The following RNF182 variants were observed in gnomAD, a reference collection of about 807,000 sequenced individuals.
RNF182 encodes E3 ubiquitin-protein ligase RNF182.
A neutral mutation model predicts 14.4 loss-of-function variants in RNF182; 15 were observed. The observed-to-expected ratio is 1.04, with a 90% confidence interval of 0.70 to 1.60. The LOEUF (loss-of-function observed/expected upper bound fraction) is 1.60. Among genes scored for constraint, RNF182 ranks in the 40% most tolerant of loss-of-function variants. The pLI is 0.00. For missense variants in RNF182, 268 were observed against 294.8 expected (o/e 0.91, Z 0.67); for synonymous variants, 128 against 122.9 (o/e 1.04, Z -0.27).
chr6:13,939,036 T>C (rs1759216630), intron 1 of RNF182, among the ~76,000 whole-genome samples: 1 of 152,106 alleles, frequency 6.6e-6, no homozygotes, highest in Non-Finnish European at 1.5e-5. Context: ...TGAGCCAAGA[T>C]TGCACCACTG....
At chr6:13,940,723 G>A (rs977534683) in intron 1 of RNF182, among the ~76,000 whole-genome samples, 1 of 151,828 alleles carries the variant, frequency 6.6e-6, no homozygotes, top group Non-Finnish European at 1.5e-5. Context: ...ATATGCATTC[G>A]AAGCTCTGCA....
Position 13,977,301 on chromosome 6 carries a change from T to A in RNF182, c.182T>A (p.Val61Asp), listed in dbSNP as rs1225398239. Residue 61 changes from valine to aspartate, a missense_variant, in exon 3 of 3, where the codon GTC becomes GAC. Transcript: ENST00000488300. ...IIDFGDSPQGVIVCPFCRFET... is the reference protein window; with the variant it reads ...IIDFGDSPQGDIVCPFCRFET... ...GACTTTGGGGACTCCCCACAAGGTG[T>A]CATTGTCTGTCCTTTCTGCAGGTTT... 6.2e-7 allele frequency: 1 copy of A among 1,614,186 alleles called. No homozygotes were observed. Among genetic ancestry groups the A allele is most frequent in the Non-Finnish European group, 8.5e-7 (1 of 1,180,026 alleles).
chr6:13,952,532 C>T, intron 1 of RNF182, among the ~76,000 whole-genome samples: 1 of 152,098 alleles, frequency 6.6e-6, no homozygotes, highest in Non-Finnish European at 1.5e-5. Context: ...TTGTCCTTTA[C>T]CTGGGATGAA....
At chr6:13,926,692 A>G (rs1758836550) in intron 1 of RNF182, among the ~76,000 whole-genome samples, 1 of 152,190 alleles carries the variant, frequency 6.6e-6, no homozygotes, top group Non-Finnish European at 1.5e-5. Flanking sequence ...TGAACAGCAA[A>G]TAGGATATTG....
In RNF182 at chr6:13,926,775, T is replaced by TTG. The variant is rs967148826; in HGVS notation, c.-367+1768_-367+1769dup. Among the ~76,000 whole-genome samples, 74 of 150,596 alleles carry TTG rather than the reference T, an allele frequency of 4.9e-4. 1 individual carries two copies. The highest frequency in any genetic ancestry group is 1.4e-3 in the East Asian group (7 of 5,156). The stretch of plus-strand genomic sequence containing the variant: ...ACTAAAAATAAATTATTTTGTGTGT[T>TTG]TGTGTGTGTGTGTGTGTTTTTTTTT... On this transcript the variant is annotated intron_variant, in intron 1 of 2. Transcript: ENST00000488300.
chr6:13,939,499 AATAC>A lies in RNF182; in HGVS notation c.-367+14479_-367+14482del, dbSNP rs1561777229. Among the ~76,000 whole-genome samples the A allele has an allele frequency of 1.1e-4, 16 of 151,412 alleles. No individual in the cohort carries two copies. The South Asian group carries it at 3.4e-3, about 32-fold the overall frequency. On this transcript the variant is annotated intron_variant, in intron 1 of 2. Transcript: ENST00000488300. ...TAATTTTTTGTTTCTTGTGTATATA[AATAC>A]ATTTTTGTTTTTATTTTTTTATTTT... is the stretch of plus-strand genomic sequence containing the variant.
At chr6:13,955,054 C>A (rs956935967) in intron 1 of RNF182, among the ~76,000 whole-genome samples, 6 of 152,150 alleles carry the variant, frequency 3.9e-5, no homozygotes, top group African/African-American at 1.4e-4. Flanking sequence ...ATTTTGGCAG[C>A]CATTGATAAT....
chr6:13,924,959 T>C lies in RNF182; in HGVS notation c.-431T>C. 1 of 64,192 alleles carries C rather than the reference T, an allele frequency of 1.6e-5. No individual in the cohort carries two copies. Among genetic ancestry groups the C allele is most frequent in the Non-Finnish European group, 3.2e-5 (1 of 31,318 alleles). 4.0% of individuals were successfully genotyped at this position (64,192 alleles called of 1,614,324 possible). ...CGCGAGCTCCTCCTCCACGGGAACCTCCCTCCCCTCCCAGGCGCCGCCGCA... is the reference window on the plus strand; with the variant it reads ...CGCGAGCTCCTCCTCCACGGGAACCCCCCTCCCCTCCCAGGCGCCGCCGCA... On this transcript the variant is annotated 5_prime_UTR_variant, in exon 1 of 3. Transcript: ENST00000488300.
At chr6:13,930,075 C>T (rs779246476) in intron 1 of RNF182, among the ~76,000 whole-genome samples, 5 of 152,158 alleles carry the variant, frequency 3.3e-5, no homozygotes, top group African/African-American at 4.8e-5. Context: ...GCAGGTTCCA[C>T]ATCTGCAGAT....
At chr6:13,958,605 G>T (rs1759787808) in intron 1 of RNF182, among the ~76,000 whole-genome samples, 1 of 152,088 alleles carries the variant, frequency 6.6e-6, no homozygotes, top group Admixed American at 6.6e-5. Flanking sequence ...CTTATGATAG[G>T]TGCTTGTGCT....
In RNF182 at chr6:13,964,663, G is replaced by A. The variant is rs73364317; in HGVS notation, c.-366-9547G>A. 2.6e-5 allele frequency among the ~76,000 whole-genome samples: 4 copies of A among 152,198 alleles called. No homozygotes were observed. The East Asian group carries it at 7.7e-4, about 29-fold the overall frequency. ...GGAGCAGATGGGGGATTCCTTCCTA[G>A]GCTTGGCTGGTACCGAGGGCTGGCA... On this transcript the variant is annotated intron_variant, in intron 1 of 2. Coordinates refer to ENST00000488300, the MANE Select transcript of RNF182 (RefSeq NM_152737.4).
At chr6:13,949,578 T>C in intron 1 of RNF182, 1 of 437,668 alleles carries the variant, frequency 2.3e-6, no homozygotes, top group Non-Finnish European at 4.2e-6. Context: ...TTAGATAAAA[T>C]GATGATGTCC....
At chr6:13,952,227 G>A (rs1330587844) in intron 1 of RNF182, among the ~76,000 whole-genome samples, 1 of 152,144 alleles carries the variant, frequency 6.6e-6, no homozygotes, top group African/African-American at 2.4e-5. Flanking sequence ...CAAAAGTCTA[G>A]GCAGCTGCTT....
At position 13,960,692 on chromosome 6, in the gene RNF182, TGC is replaced by T. The variant is rs1311622318; in HGVS notation, c.-366-13512_-366-13511del. ...GTGTGTGTGTGTGTGTGTGTGTGTG[TGC>T]GCGCGTGCACATGCATGTGATGTAC... On this transcript the variant is annotated intron_variant, in intron 1 of 2. Transcript: ENST00000488300. Among the ~76,000 whole-genome samples the T allele has an allele frequency of 9.0e-4, 124 of 137,804 alleles. 3 individuals are homozygous for T. The South Asian group carries it at 0.023, about 26-fold the overall frequency. The allele number at this position is 137,804 out of a possible 152,430, so 90.4% of individuals were successfully genotyped here. A position where few individuals can be genotyped will look rare whatever the true frequency, so the allele number is the denominator to read the frequency against.
chr6:13,967,324 C>T (rs1760059301), intron 1 of RNF182, among the ~76,000 whole-genome samples: 1 of 152,096 alleles, frequency 6.6e-6, no homozygotes, highest in Non-Finnish European at 1.5e-5. Flanking sequence ...CAAAAAGAGG[C>T]AGAGTTTATG....
chr6:13,966,993 C>T (rs983439908), intron 1 of RNF182, among the ~76,000 whole-genome samples: 4 of 151,968 alleles, frequency 2.6e-5, no homozygotes, highest in Non-Finnish European at 5.9e-5. Context: ...TGCACCACCA[C>T]GCCTGGCTAA....
At chr6:13,947,379 T>G (rs1360845295) in intron 1 of RNF182, among the ~76,000 whole-genome samples, 1 of 152,240 alleles carries the variant, frequency 6.6e-6, no homozygotes, top group African/African-American at 2.4e-5. Flanking sequence ...AGGACTGATT[T>G]GTTGGCAAAA....
At chr6:13,949,054 C>T (rs1275926572) in intron 1 of RNF182, 3 of 629,982 alleles carry the variant, frequency 4.8e-6, no homozygotes, top group Non-Finnish European at 8.7e-6. Flanking sequence ...AAGATTTTCA[C>T]AAACCTTTTA....
chr6:13,955,985 C>T (rs1210345399), intron 1 of RNF182, among the ~76,000 whole-genome samples: 3 of 152,168 alleles, frequency 2.0e-5, no homozygotes, highest in Non-Finnish European at 4.4e-5. Context: ...TAATATTTAA[C>T]ATTTCCATGG....
Sources: gnomAD v4.1 joint callset for allele counts (sites outside exome capture counted in the v4.1 genomes callset) on GRCh38, gnomAD v4.1.1 for gene constraint, MANE v1.5 for transcripts, NCBI Gene and HGNC (gene_info 2026-07-23, HGNC 2026-07-21) for gene names.